The following PDLIM4 variants were observed in gnomAD, a reference collection of about 807,000 sequenced individuals.
The protein encoded by PDLIM4 is PDZ and LIM domain protein 4.
In PDLIM4, 19 loss-of-function variants were observed where a neutral mutation model predicts 31.3. That is an observed-to-expected ratio of 0.61 (90% confidence interval 0.42 to 0.89). PDLIM4 has a LOEUF of 0.89. Ranked by LOEUF, PDLIM4 falls within the 40% of genes least tolerant of loss-of-function variation. The pLI is 0.00. For synonymous variants in PDLIM4, 176 were observed against 190.1 expected (o/e 0.93, Z 0.61); for missense variants, 442 against 461.1 (o/e 0.96, Z 0.38).
intron 3 of PDLIM4, chr5:132,270,342 C>G (rs868083041): frequency 6.5e-6 from 1 of 152,884 alleles, no homozygotes; most frequent in African/African-American, 2.4e-5. Flanking sequence ...AGGTGTAGGC[C>G]CAGAAGGGGC....
intron 1 of PDLIM4, among the ~76,000 whole-genome samples, chr5:132,258,195 G>C (rs1190421105): frequency 6.6e-6 from 1 of 152,224 alleles, no homozygotes; most frequent in Non-Finnish European, 1.5e-5. Flanking sequence ...CTGAAGATCT[G>C]GGGCAAAATG....
chr5:132,271,667 G>C, intron 5 of PDLIM4, 124 bp from the exon 6 acceptor site: 1 of 933,442 alleles, frequency 1.1e-6, no homozygotes, highest in African/African-American at 1.6e-5. Flanking sequence ...CTCACCCCAC[G>C]CCCGCCAAAC....
At chr5:132,266,972 C>T (rs1756505257) in intron 3 of PDLIM4, among the ~76,000 whole-genome samples, 1 of 152,224 alleles carries the variant, frequency 6.6e-6, no homozygotes, top group African/African-American at 2.4e-5. Flanking sequence ...GTGCCCTATC[C>T]AAGCCTGAAG....
chr5:132,265,241 T>G (rs1310297139), intron 2 of PDLIM4, among the ~76,000 whole-genome samples: 1 of 152,252 alleles, frequency 6.6e-6, no homozygotes, highest in Non-Finnish European at 1.5e-5. Flanking sequence ...TTAATGGCTC[T>G]GGGTACTTTG....
chr5:132,262,545 G>A (rs553767934), intron 1 of PDLIM4, 64 bp from the exon 2 acceptor site: 3 of 1,453,072 alleles, frequency 2.1e-6, no homozygotes, highest in African/African-American at 2.8e-5. Context: ...AGGAGGCCTA[G>A]GGCACAGCTT....
At chr5:132,271,135 TTAAC>T in intron 4 of PDLIM4, 42 bp downstream of exon 4, 1 of 1,586,382 alleles carries the variant, frequency 6.3e-7, no homozygotes, top group Non-Finnish European at 8.6e-7. Flanking sequence ...AGAACCCATC[TTAAC>T]CCTTGATCCC....
chr5:132,270,800 G>C lies in PDLIM4; in HGVS notation c.328-115G>C, dbSNP rs993227419. On this transcript the variant is annotated intron_variant, in intron 3 of 6. Transcript: ENST00000253754. ...ACCACAGGCCAGAGATGCCGAAGCA[G>C]AGGAAGCCAACTGACATCCACCACC... The C allele has an allele frequency of 2.9e-5, 26 of 903,564 alleles. No individual in the cohort carries two copies. In the Middle Eastern group the frequency reaches 1.3e-3, roughly 45 times the overall value. The allele number at this position is 903,564 out of a possible 1,614,324, so 56.0% of individuals were successfully genotyped here. A position where few individuals can be genotyped will look rare whatever the true frequency, so the allele number is the denominator to read the frequency against.
Position 132,271,307 on chromosome 5 carries a change from G to T in PDLIM4, c.511G>T (p.Asp171Tyr). The change falls in exon 5 of 7, where the codon GAC becomes TAC. Residue 171 changes from aspartate to tyrosine, a missense_variant. Asp to Tyr is a radical substitution (Grantham distance 160). Transcript: ENST00000253754. ...CTATTTCTTTCTCCCTCCCAGCGCTGACCCAGCCAGAGGCCTCCCGCGGAG... is the reference window on the plus strand; with the variant it reads ...CTATTTCTTTCTCCCTCCCAGCGCTTACCCAGCCAGAGGCCTCCCGCGGAG... ...TLHVSPPPSA[D>Y]PARGLPRSRD... The T allele has an allele frequency of 6.3e-7, 1 of 1,594,668 alleles. No individual in the cohort carries two copies. Among genetic ancestry groups the T allele is most frequent in the Non-Finnish European group, 8.5e-7 (1 of 1,171,772 alleles).
chr5:132,264,661 C>G (rs1371427181), intron 2 of PDLIM4, among the ~76,000 whole-genome samples: 1 of 152,098 alleles, frequency 6.6e-6, no homozygotes, highest in African/African-American at 2.4e-5. Context: ...CATTTCTTCT[C>G]CTGGACACTT....
Position 132,262,637 on chromosome 5 carries a change from C to T in PDLIM4, c.122C>T (p.Ala41Val), listed in dbSNP as rs1254590281. ...RVHAGSKAAL[A>V]ALCPGDLIQA... ...CATGCTGGCAGCAAGGCTGCATTGG[C>T]TGCCCTGTGCCCAGGAGACCTGATC... The change falls in exon 2 of 7, where the codon GCT becomes GTT. Residue 41 changes from alanine (A) to valine (V), a missense_variant. Physicochemically the swap from Ala to Val is moderately conservative, Grantham distance 64 (BLOSUM62 0). Coordinates refer to ENST00000253754, the MANE Select transcript of PDLIM4 (RefSeq NM_003687.4). 2 of 1,610,196 alleles carry T rather than the reference C, an allele frequency of 1.2e-6. 1 individual carries two copies. Among genetic ancestry groups the T allele is most frequent in the South Asian group, 2.2e-5 (2 of 90,224 alleles).
Position 132,266,488 on chromosome 5 carries a change from T to C in PDLIM4, c.270T>C (p.Ser90=). 1 of 1,612,874 alleles carries C rather than the reference T, an allele frequency of 6.2e-7. No homozygotes were observed. The highest frequency in any genetic ancestry group is 8.5e-7 in the Non-Finnish European group (1 of 1,179,034). ...VSRPEGRSWP[S]APDDSKAQAH... is the part of the protein sequence containing the mutation. ...GGCCTGAGGGTAGGAGCTGGCCCAG[T>C]GCCCCTGATGACAGCAAGGCTCAGG... The change falls in exon 3 of 7, where the codon AGT becomes AGC. Residue 90 remains serine, a synonymous_variant. Transcript: ENST00000253754.
In PDLIM4 at chr5:132,272,188, G is replaced by A; in HGVS notation, c.952G>A (p.Val318Met). The stretch of plus-strand genomic sequence containing the variant: ...CGTGAAGCCGCCCGAGGGCTACGAC[G>A]TGGTGGCGGTGTACCCCAATGCCAA... ...ARVKPPEGYDVVAVYPNAKVE... is the reference protein window; with the variant it reads ...ARVKPPEGYDMVAVYPNAKVE... Residue 318 changes from valine to methionine, a missense_variant, in exon 7 of 7, where the codon GTG (valine) becomes ATG (methionine). Transcript: ENST00000253754. 4 of 1,614,206 alleles carry A rather than the reference G, an allele frequency of 2.5e-6. No individual in the cohort carries two copies. The highest frequency in any genetic ancestry group is 1.6e-4 in the Middle Eastern group (1 of 6,062).
chr5:132,271,844 C>T lies in PDLIM4; in HGVS notation c.724C>T (p.Leu242=), dbSNP rs1756628605. 1.2e-6 allele frequency: 2 copies of T among 1,612,616 alleles called. No homozygotes were observed. The highest frequency in any genetic ancestry group is 8.5e-7 in the Non-Finnish European group (1 of 1,179,592). ...GAACCTCAAGCCCACGGCCAGCAAG[C>T]TGGGCGCTCCGCTGAGCGGCCTGCA... The part of the protein sequence containing the change: ...PRNLKPTASK[L]GAPLSGLQGL... The change falls in exon 6 of 7, where the codon CTG becomes TTG. Residue 242 remains leucine, a synonymous_variant. Transcript: ENST00000253754.
intron 1 of PDLIM4, 21 bp from the exon 2 acceptor site, chr5:132,262,588 A>C (rs1171513978): frequency 4.4e-6 from 7 of 1,589,436 alleles, no homozygotes; most frequent in Non-Finnish European, 6.0e-6. Flanking sequence ...GTGCCCAGCC[A>C]TCTGGCTTGT....
At chr5:132,264,431 G>A (rs1485581461) in intron 2 of PDLIM4, among the ~76,000 whole-genome samples, 2 of 152,190 alleles carry the variant, frequency 1.3e-5, no homozygotes, top group African/African-American at 4.8e-5. Flanking sequence ...AAGAGAGAGA[G>A]GGAGAGATAA....
intron 4 of PDLIM4, 63 bp from the exon 5 acceptor site, chr5:132,271,240 C>G (rs1756603070): frequency 6.5e-7 from 1 of 1,534,974 alleles, no homozygotes; most frequent in Non-Finnish European, 8.9e-7. Context: ...TACCAGACCC[C>G]AAGTCCACAG....
Position 132,262,628 on chromosome 5 carries a change from C to T in PDLIM4, c.113C>T (p.Ala38Val), listed in dbSNP as rs759714168. ...TCGCAGGTCCATGCTGGCAGCAAGG[C>T]TGCATTGGCTGCCCTGTGCCCAGGA... ...TISRVHAGSK[A>V]ALAALCPGDL... The change falls in exon 2 of 7, where the codon GCT (alanine) becomes GTT (valine). Residue 38 changes from alanine (A) to valine (V), a missense_variant. Transcript: ENST00000253754. 8.7e-6 allele frequency: 14 copies of T among 1,609,314 alleles called. No homozygotes were observed. Among genetic ancestry groups the T allele is most frequent in the East Asian group, 4.5e-5 (2 of 44,748 alleles).
rs964589462 is a variant in PDLIM4, at chr5:132,272,477, G to A, written c.*248G>A. 4 of 552,980 alleles carry A rather than the reference G, an allele frequency of 7.2e-6. No individual in the cohort carries two copies. The Admixed American group carries it at 1.2e-4, about 17-fold the overall frequency. 34.3% of individuals were successfully genotyped at this position (552,980 alleles called of 1,614,324 possible). On this transcript the variant is annotated 3_prime_UTR_variant, in exon 7 of 7. Transcript: ENST00000253754. ...CCATGCTGCCCTGAAGGGGGCCACA[G>A]CCTGGGTGGAAGGCAGACCTGAATC...
chr5:132,270,599 T>C (rs961792811), intron 3 of PDLIM4: 3 of 455,214 alleles, frequency 6.6e-6, no homozygotes, highest in African/African-American at 5.8e-5. Context: ...CCTGCCCCAG[T>C]ACTGTCCCTT....
Sources: allele counts gnomAD v4.1 joint callset (sites outside exome capture counted in the v4.1 genomes callset), GRCh38; gene constraint gnomAD v4.1.1; transcripts MANE v1.5; gene names NCBI Gene and HGNC (gene_info 2026-07-23, HGNC 2026-07-21).